Variants in ZNF385D observed in about 807,000 individuals in gnomAD.
The protein encoded by ZNF385D is zinc finger protein 659.
Under a neutral mutation model 35.8 loss-of-function variants are expected in ZNF385D, and 15 were observed. The ratio of observed to expected loss-of-function variants is 0.42; its 90% CI spans 0.28 to 0.64. The LOEUF is 0.64. ZNF385D is among the 30% of genes least tolerant of loss of function. ZNF385D has a pLI of 0.23. For missense variants in ZNF385D, 474 were observed against 494.6 expected, an observed-to-expected ratio of 0.96 and a Z score of 0.39; for synonymous variants, 212 against 186.8, an observed-to-expected ratio of 1.13 and a Z score of -1.10.
intron 2 of ZNF385D, among the ~76,000 whole-genome samples, chr3:21,572,095 T>C (rs1353114439): frequency 6.6e-6 from 1 of 152,134 alleles, no homozygotes; most frequent in Non-Finnish European, 1.5e-5. Flanking sequence ...TTGAATTACA[T>C]GGTTAGTCTT....
At chr3:21,938,756 T>C (rs939530784) in intron 3 of ZNF385D, among the ~76,000 whole-genome samples, 1 of 152,168 alleles carries the variant, frequency 6.6e-6, no homozygotes, top group African/African-American at 2.4e-5. Context: ...ACCTTCTATG[T>C]CCATCTTTCT....
intron 3 of ZNF385D, among the ~76,000 whole-genome samples, chr3:21,995,500 G>T (rs530959671): frequency 2.6e-4 from 39 of 152,272 alleles, no homozygotes; most frequent in African/African-American, 9.4e-4. Flanking sequence ...GGTATGCACA[G>T]GTGTAGGTGG....
rs575614536 is a variant in ZNF385D at position 21,481,100 on chromosome 3, T to C, written c.439+29761A>G. ...TCTAAGACACTGGCTGAGCAATCGCTGATAGTGACTGAGATCACCTACAAG... is the reference window on the plus strand; with the variant it reads ...TCTAAGACACTGGCTGAGCAATCGCCGATAGTGACTGAGATCACCTACAAG... On this transcript the variant is annotated intron_variant, in intron 4 of 7. Coordinates refer to ENST00000281523, the MANE Select transcript of ZNF385D (RefSeq NM_024697.3). 2.6e-5 allele frequency among the ~76,000 whole-genome samples: 4 copies of C among 152,314 alleles called. No individual in the cohort carries two copies. The South Asian group carries it at 8.3e-4, about 32-fold the overall frequency.
intron 2 of ZNF385D, among the ~76,000 whole-genome samples, chr3:21,594,798 A>G (rs4858006): frequency 0.37 from 55,802 of 152,032 alleles, 10,826 homozygotes; most frequent in African/African-American, 0.49. Context: ...TCTGCTGGCC[A>G]TGACCCATAA....
chr3:21,633,356 T>C (rs187839109), intron 2 of ZNF385D, among the ~76,000 whole-genome samples: 6 of 152,004 alleles, frequency 3.9e-5, no homozygotes, highest in Admixed American at 6.6e-5. Flanking sequence ...GTAAAAAATA[T>C]GGAAAAACAA....
At chr3:21,832,594 T>G (rs561398867) in intron 3 of ZNF385D, among the ~76,000 whole-genome samples, 33 of 152,300 alleles carry the variant, frequency 2.2e-4, no homozygotes, top group Non-Finnish European at 2.6e-4. Flanking sequence ...CAATGCCCTG[T>G]GTAACCGGTA....
intron 3 of ZNF385D, among the ~76,000 whole-genome samples, chr3:22,039,751 A>T (rs891576287): frequency 6.6e-6 from 1 of 152,162 alleles, no homozygotes; most frequent in African/African-American, 2.4e-5. Flanking sequence ...ACTATTGCTT[A>T]AAAAAGAGTT....
intron 3 of ZNF385D, among the ~76,000 whole-genome samples, chr3:21,830,288 T>G (rs1207539143): frequency 1.3e-5 from 2 of 152,222 alleles, no homozygotes; most frequent in African/African-American, 4.8e-5. Context: ...CTAGTTTACT[T>G]GTTTAAGCAG....
At chr3:21,715,438 T>A (rs1010672353) in intron 1 of ZNF385D, among the ~76,000 whole-genome samples, 2 of 152,180 alleles carry the variant, frequency 1.3e-5, no homozygotes, top group African/African-American at 4.8e-5. Flanking sequence ...CCATTCCTTT[T>A]TAATGGCTGA....
At chr3:22,201,481 T>C (rs1033088713) in intron 2 of ZNF385D, among the ~76,000 whole-genome samples, 1 of 152,204 alleles carries the variant, frequency 6.6e-6, no homozygotes, top group South Asian at 2.1e-4. Context: ...AAATAATTGA[T>C]GAGCACTTGT....
intron 2 of ZNF385D, among the ~76,000 whole-genome samples, chr3:22,351,933 A>G (rs66986313): frequency 0.08 from 12,220 of 152,192 alleles, 831 homozygotes; most frequent in African/African-American, 0.18. Context: ...CTGCTTGTGT[A>G]CTTACTCATC....
At chr3:21,566,352 C>T (rs1023486058) in intron 2 of ZNF385D, among the ~76,000 whole-genome samples, 42 of 152,206 alleles carry the variant, frequency 2.8e-4, no homozygotes, top group Non-Finnish European at 5.9e-5. Context: ...AGGCCAGGCA[C>T]GATAGCTCAT....
chr3:21,654,089 C>A (rs1304381637), intron 2 of ZNF385D, among the ~76,000 whole-genome samples: 1 of 151,546 alleles, frequency 6.6e-6, no homozygotes, highest in Non-Finnish European at 1.5e-5. Flanking sequence ...ATTTCTTTTA[C>A]CTTCCATTTA....
At chr3:21,517,767 T>C (rs1450379689) in intron 3 of ZNF385D, among the ~76,000 whole-genome samples, 1 of 152,190 alleles carries the variant, frequency 6.6e-6, no homozygotes, top group African/African-American at 2.4e-5. Context: ...TTTTGAATAA[T>C]TGGAATATCA....
chr3:22,131,369 A>T (rs575745664), intron 3 of ZNF385D, among the ~76,000 whole-genome samples: 19 of 151,660 alleles, frequency 1.3e-4, no homozygotes, highest in Non-Finnish European at 2.2e-4. Flanking sequence ...GGAGTAGATT[A>T]AAAAAAAAGT....
chr3:21,837,416 A>T (rs982712598), intron 3 of ZNF385D, among the ~76,000 whole-genome samples: 1 of 152,072 alleles, frequency 6.6e-6, no homozygotes, highest in Admixed American at 6.6e-5. Context: ...CAGATGGTTC[A>T]GTTGGGATGG....
At chr3:21,786,410 T>G (rs961566636) in intron 3 of ZNF385D, among the ~76,000 whole-genome samples, 1 of 152,198 alleles carries the variant, frequency 6.6e-6, no homozygotes, top group African/African-American at 2.4e-5. Flanking sequence ...CTTCGTTGTT[T>G]GCTTTGGCAT....
chr3:21,436,057 G>A (rs919879006), intron 5 of ZNF385D, among the ~76,000 whole-genome samples: 1 of 152,112 alleles, frequency 6.6e-6, no homozygotes, highest in Non-Finnish European at 1.5e-5. Context: ...ACAGAGTCCT[G>A]GCAATGAACC....
intron 2 of ZNF385D, among the ~76,000 whole-genome samples, chr3:21,625,315 T>C (rs2065106279): frequency 6.6e-6 from 1 of 152,018 alleles, no homozygotes; most frequent in Non-Finnish European, 1.5e-5. Flanking sequence ...TATGAAATGA[T>C]CCAAAGGAGG....
Sources: gnomAD v4.1 joint callset for allele counts (sites outside exome capture counted in the v4.1 genomes callset) on GRCh38, gnomAD v4.1.1 for gene constraint, MANE v1.5 for transcripts, NCBI Gene and HGNC (gene_info 2026-07-23, HGNC 2026-07-21) for gene names.